Variants in RRM2 observed in about 807,000 individuals in gnomAD.
RRM2 encodes ribonucleotide reductase regulatory subunit M2, also known as ribonucleoside-diphosphate reductase subunit M2.
A neutral mutation model predicts 45.9 loss-of-function variants in RRM2; 6 were observed. The observed-to-expected ratio is 0.13, with a 90% confidence interval of 0.07 to 0.26. The LOEUF (loss-of-function observed/expected upper bound fraction) is 0.26. Ranked by LOEUF, RRM2 falls within the 10% of genes least tolerant of loss-of-function variation. The pLI is 1.00. For missense variants in RRM2, 343 were observed against 489.5 expected, an observed-to-expected ratio of 0.70 and a Z score of 2.82; for synonymous variants, 177 against 173.0, an observed-to-expected ratio of 1.02 and a Z score of -0.18.
chr2:10,150,510 AT>A (rs35764183), intron 3 of RRM2, among the ~76,000 whole-genome samples: 288 of 145,864 alleles, frequency 2.0e-3, no homozygotes, highest in African/African-American at 6.0e-3. Flanking sequence ...CTATGGGATG[AT>A]TTTTTTTTTT....
chr2:10,133,466 A>T (rs1662937991), downstream of RRM2, among the ~76,000 whole-genome samples: 1 of 152,168 alleles, frequency 6.6e-6, no homozygotes, highest in African/African-American at 2.4e-5. Context: ...TATTTTGAGG[A>T]TCAGTGGCCC....
At chr2:10,187,836 G>T (rs538228409) in intron 3 of RRM2, among the ~76,000 whole-genome samples, 1 of 152,318 alleles carries the variant, frequency 6.6e-6, no homozygotes, top group African/African-American at 2.4e-5. Context: ...TCCGCTTCCT[G>T]CTTCTGCAGC....
chr2:10,180,268 T>G (rs116024869), intron 3 of RRM2, among the ~76,000 whole-genome samples: 1 of 152,322 alleles, frequency 6.6e-6, no homozygotes, highest in Non-Finnish European at 1.5e-5. Flanking sequence ...GAAGACTTGT[T>G]CACTTGCTTC....
Position 10,124,646 on chromosome 2 carries a change from T to C in RRM2, c.436-71T>C. On this transcript the variant is annotated intron_variant, in intron 4 of 9. Transcript: ENST00000304567. ...TATAATGGTACAAAGAGTGCGATGC[T>C]GCCAGTATCCGTTGACAGTTGCTGC... is the stretch of plus-strand genomic sequence containing the variant. 1.9e-6 allele frequency: 3 copies of C among 1,552,276 alleles called. No homozygotes were observed. In the South Asian group the frequency reaches 3.4e-5, roughly 18 times the overall value.
chr2:10,134,810 A>C (rs1015271800), downstream of RRM2, among the ~76,000 whole-genome samples: 1 of 152,206 alleles, frequency 6.6e-6, no homozygotes, highest in Non-Finnish European at 1.5e-5. Context: ...AATTATTCTA[A>C]AGAAGATGAA....
intron 3 of RRM2, among the ~76,000 whole-genome samples, chr2:10,143,600 C>T (rs1179839172): frequency 6.6e-6 from 1 of 152,112 alleles, no homozygotes; most frequent in East Asian, 1.9e-4. Context: ...ACTGGGGGGG[C>T]CTGGTTGAGA....
chr2:10,131,639 T>A (rs1464051704), downstream of RRM2, among the ~76,000 whole-genome samples: 6 of 152,122 alleles, frequency 3.9e-5, no homozygotes, highest in African/African-American at 1.4e-4. Context: ...CTCGTGAGGC[T>A]GAGGCAGGAG....
chr2:10,148,143 CAAAAAAAAAAAAAAAAAA>C (rs374826185), intron 3 of RRM2, among the ~76,000 whole-genome samples: 7 of 119,550 alleles, frequency 5.9e-5, no homozygotes, highest in Admixed American at 9.2e-5. Context: ...GACCCTGACT[CAAAAAAAAAAAAAAAAAA>C]AAAAAAAAAA....
intron 3 of RRM2, among the ~76,000 whole-genome samples, chr2:10,174,023 G>A (rs1295557474): frequency 6.6e-6 from 1 of 152,208 alleles, no homozygotes; most frequent in Non-Finnish European, 1.5e-5. Flanking sequence ...CCCCCAGTGT[G>A]GCTGCATTTG....
intron 3 of RRM2, among the ~76,000 whole-genome samples, chr2:10,199,790 A>AAAAAC (rs1553329360): frequency 4.2e-5 from 3 of 71,868 alleles, no homozygotes; most frequent in Non-Finnish European, 6.8e-5. Flanking sequence ...AAAAAAAAAA[A>AAAAAC]AAAAAAAAAA....
intron 3 of RRM2, among the ~76,000 whole-genome samples, chr2:10,209,597 G>A (rs113573113): frequency 0.025 from 2,858 of 113,494 alleles, 97 homozygotes; most frequent in African/African-American, 0.082. Flanking sequence ...GTGTGCGCGC[G>A]CGTGTGTGTG....
At chr2:10,175,523 C>G (rs913844344) in intron 3 of RRM2, among the ~76,000 whole-genome samples, 21 of 152,212 alleles carry the variant, frequency 1.4e-4, no homozygotes, top group African/African-American at 4.6e-4. Context: ...TCATTAAACA[C>G]TAACTCTGTA....
chr2:10,127,452 G>A lies in RRM2; in HGVS notation c.798+232G>A. The A allele has an allele frequency of 2.3e-6, 1 of 439,454 alleles. No homozygotes were observed. Among genetic ancestry groups the A allele is most frequent in the Non-Finnish European group, 4.0e-6 (1 of 247,266 alleles). The allele number at this position is 439,454 out of a possible 1,614,324, so 27.2% of individuals were successfully genotyped here. ...TTTGTACATATGTATTCCCCTATAG[G>A]CTTTGAATGCATAAAACTACAAGTT... On this transcript the variant is annotated intron_variant, in intron 7 of 9. Transcript: ENST00000304567. The surrounding 1 kb of genome is among the most constrained non-coding windows in gnomAD (Gnocchi z 4.1).
chr2:10,197,578 G>A (rs376157209), intron 3 of RRM2, among the ~76,000 whole-genome samples: 4 of 152,104 alleles, frequency 2.6e-5, no homozygotes, highest in East Asian at 1.9e-4. Flanking sequence ...CCATACCTGC[G>A]GGGCGGGCAC....
intron 3 of RRM2, among the ~76,000 whole-genome samples, chr2:10,175,737 C>T (rs13407549): frequency 0.042 from 6,312 of 151,968 alleles, 439 homozygotes; most frequent in African/African-American, 0.14. Flanking sequence ...GCTGGGATTA[C>T]AGGCACACAC....
intron 3 of RRM2, among the ~76,000 whole-genome samples, chr2:10,186,081 T>C (rs1201005672): frequency 1.3e-5 from 2 of 152,218 alleles, no homozygotes; most frequent in Non-Finnish European, 2.9e-5. Context: ...CACTGTAAAC[T>C]TGTATCAGTT....
intron 3 of RRM2, among the ~76,000 whole-genome samples, chr2:10,196,380 A>G (rs73917404): frequency 0.011 from 1,610 of 152,286 alleles, 29 homozygotes; most frequent in African/African-American, 0.036. Flanking sequence ...ATCTCGGGAC[A>G]CAGTGGCATT....
At chr2:10,151,994 G>C (rs1190126775) in intron 3 of RRM2, among the ~76,000 whole-genome samples, 2 of 150,830 alleles carry the variant, frequency 1.3e-5, no homozygotes, top group African/African-American at 2.4e-5. Context: ...TGTCACTCAG[G>C]TTGGAGTACT....
downstream of RRM2, among the ~76,000 whole-genome samples, chr2:10,135,619 A>C (rs2241113): frequency 0.58 from 88,758 of 151,888 alleles, 26,551 homozygotes; most frequent in Non-Finnish European, 0.66. Flanking sequence ...GATGGTAGAA[A>C]TAAAAGCACA....
Sources: allele counts gnomAD v4.1 joint callset (sites outside exome capture counted in the v4.1 genomes callset), GRCh38; gene constraint gnomAD v4.1.1; non-coding constraint Gnocchi (gnomAD v3.1); transcripts MANE v1.5; gene names NCBI Gene and HGNC (gene_info 2026-07-23, HGNC 2026-07-21).